Variants in PDE10A observed in about 807,000 individuals in gnomAD.
PDE10A encodes the protein phosphodiesterase 10A.
Under a neutral mutation model 97.7 loss-of-function variants are expected in PDE10A, and 39 were observed. That is an observed-to-expected ratio of 0.40 (90% CI 0.31 to 0.52). The LOEUF (loss-of-function observed/expected upper bound fraction) is 0.52. PDE10A is among the 20% of genes least tolerant of loss of function. The pLI, the probability that PDE10A is intolerant of heterozygous loss-of-function variation, is 0.56. For synonymous variants in PDE10A, 371 were observed against 376.8 expected, an observed-to-expected ratio of 0.98 and a Z score of 0.18; for missense variants, 731 against 1,047.8, an observed-to-expected ratio of 0.70 and a Z score of 4.17.
chr6:165,336,391 T>C (rs1781648937), intron 20 of PDE10A, among the ~76,000 whole-genome samples, 180 bp from the exon 21 acceptor site: 2 of 152,206 alleles, frequency 1.3e-5, no homozygotes, highest in African/African-American at 4.8e-5. Context: ...TATTTTAAAA[T>C]GCATTAAAAT....
chr6:165,496,452 CCCTT>C (rs1227960931), intron 2 of PDE10A, among the ~76,000 whole-genome samples: 18 of 152,148 alleles, frequency 1.2e-4, no homozygotes, highest in African/African-American at 4.1e-4. Flanking sequence ...AAACTTGCCT[CCCTT>C]ATGTTTTTAA....
At chr6:165,562,948 G>A (rs566919408) in intron 1 of PDE10A, among the ~76,000 whole-genome samples, 9 of 152,026 alleles carry the variant, frequency 5.9e-5, no homozygotes, top group Non-Finnish European at 1.3e-4. Flanking sequence ...ATCCTATGGT[G>A]CACAGAAAGC....
chr6:165,598,272 TTATTAACAGATCTTAGAGAGA>T (rs1281405904), intron 1 of PDE10A, among the ~76,000 whole-genome samples: 1 of 148,056 alleles, frequency 6.8e-6, no homozygotes, highest in African/African-American at 2.6e-5. Context: ...TCTTTTCTTC[TTATTAACAGATCTTAGAGAGA>T]GAGAGCACCA....
At chr6:165,503,160 C>T (rs554406410) in intron 2 of PDE10A, among the ~76,000 whole-genome samples, 24 of 152,238 alleles carry the variant, frequency 1.6e-4, no homozygotes, top group African/African-American at 4.6e-4. Context: ...CCTGGATCCA[C>T]GCTTCAACAC....
intron 1 of PDE10A, among the ~76,000 whole-genome samples, chr6:165,875,240 T>C (rs553738749): frequency 3.3e-5 from 5 of 152,166 alleles, no homozygotes; most frequent in Admixed American, 3.3e-4. Flanking sequence ...CAGGAGAGGT[T>C]GCTACACTGT....
At chr6:165,957,448 T>C (rs1371250958) in intron 1 of PDE10A, among the ~76,000 whole-genome samples, 1 of 151,934 alleles carries the variant, frequency 6.6e-6, no homozygotes, top group Non-Finnish European at 1.5e-5. Context: ...GCAGCTGCAC[T>C]CCAGCCTGGG....
intron 1 of PDE10A, among the ~76,000 whole-genome samples, chr6:165,735,241 GGGTA>G (rs1792543049): frequency 6.7e-6 from 1 of 150,098 alleles, no homozygotes; most frequent in African/African-American, 2.5e-5. Flanking sequence ...ACAGGTGGGT[GGGTA>G]GGTAGGTAGG....
chr6:165,563,414 A>T lies in PDE10A; in HGVS notation c.866-19846T>A, dbSNP rs1308410917. On this transcript the variant is annotated intron_variant, in intron 1 of 21. Transcript: ENST00000539869. Reference sequence around the variant, plus strand: ...AAGAAAGTATTGATGTTTAGCACTGACAAAGAAAACTAAGTATAGACATCA... The same window carrying T: ...AAGAAAGTATTGATGTTTAGCACTGTCAAAGAAAACTAAGTATAGACATCA... 2.0e-5 allele frequency among the ~76,000 whole-genome samples: 3 copies of T among 152,188 alleles called. No homozygotes were observed. The East Asian group carries it at 5.8e-4, about 29-fold the overall frequency.
At chr6:165,366,288 C>A (rs898729745) in intron 18 of PDE10A, among the ~76,000 whole-genome samples, 4 of 152,030 alleles carry the variant, frequency 2.6e-5, no homozygotes, top group African/African-American at 9.7e-5. Context: ...GATCAGAAAG[C>A]AAAATACATA....
At chr6:165,470,358 C>G (rs221734) in intron 3 of PDE10A, among the ~76,000 whole-genome samples, 68,480 of 152,088 alleles carry the variant, frequency 0.45, 15,502 homozygotes, top group Middle Eastern at 0.53. Flanking sequence ...TTTTTGAACA[C>G]TGAACCACAT....
Position 165,328,990 on chromosome 6 carries a change from G to C in PDE10A, c.*4035C>G, listed in dbSNP as rs548063715. The C allele has an allele frequency of 6.6e-6, 1 of 152,278 alleles. No individual in the cohort carries two copies. The highest frequency in any genetic ancestry group is 2.1e-4 in the South Asian group (1 of 4,828). The allele number at this position is 152,278 out of a possible 1,614,324, so 9.4% of individuals were successfully genotyped here. A position where few individuals can be genotyped will look rare whatever the true frequency, so the allele number is the denominator to read the frequency against. ...GGAAACTATAACGGATGACATACTT[G>C]GCTGATTTACATTTTACATAATTTA... is the stretch of plus-strand genomic sequence containing the variant. On this transcript the variant is annotated 3_prime_UTR_variant, in exon 22 of 22. Transcript: ENST00000539869.
rs1781213737 is a variant in PDE10A at position 165,329,308 on chromosome 6, A to G, written c.*3717T>C. On this transcript the variant is annotated 3_prime_UTR_variant, in exon 22 of 22. Transcript: ENST00000539869. ...ATGTCAATGAAGTCAAATAAAGAAC[A>G]GAAATCTGATGAGGAGAGAATGGTC... is the stretch of plus-strand genomic sequence containing the variant. 1 of 152,234 alleles carries G rather than the reference A, an allele frequency of 6.6e-6. No individual in the cohort carries two copies. Among genetic ancestry groups the G allele is most frequent in the Non-Finnish European group, 1.5e-5 (1 of 68,042 alleles). 9.4% of individuals were successfully genotyped at this position (152,234 alleles called of 1,614,324 possible).
At chr6:165,611,487 C>T (rs1041631176) in intron 1 of PDE10A, among the ~76,000 whole-genome samples, 4 of 152,200 alleles carry the variant, frequency 2.6e-5, no homozygotes, top group Non-Finnish European at 5.9e-5. Flanking sequence ...AGGGCCACAC[C>T]GTGTGCCTTC....
chr6:165,833,895 G>A (rs749009872), intron 1 of PDE10A, among the ~76,000 whole-genome samples: 4 of 152,182 alleles, frequency 2.6e-5, no homozygotes, highest in African/African-American at 9.7e-5. Context: ...AGGTCTAGCC[G>A]AGACCTGATT....
chr6:165,824,909 C>T (rs1294319943), intron 1 of PDE10A, among the ~76,000 whole-genome samples: 3 of 149,392 alleles, frequency 2.0e-5, no homozygotes, highest in African/African-American at 7.4e-5. Context: ...GCAGGTGGAT[C>T]CACCTAAGTT....
chr6:165,462,691 A>T (rs938182330), intron 3 of PDE10A, among the ~76,000 whole-genome samples: 1 of 152,220 alleles, frequency 6.6e-6, no homozygotes, highest in African/African-American at 2.4e-5. Flanking sequence ...GCTGTCACAG[A>T]TGGCAGAAGA....
At chr6:165,970,093 C>T (rs184126516) in intron 1 of PDE10A, among the ~76,000 whole-genome samples, 1 of 152,284 alleles carries the variant, frequency 6.6e-6, no homozygotes, top group Non-Finnish European at 1.5e-5. Flanking sequence ...GGCATCACTT[C>T]GATCTAACCA....
intron 1 of PDE10A, among the ~76,000 whole-genome samples, chr6:165,796,944 A>G (rs1778847057): frequency 6.6e-6 from 1 of 152,130 alleles, no homozygotes; most frequent in East Asian, 1.9e-4. Context: ...TTATTCTTCT[A>G]TCTCCTGTAT....
intron 1 of PDE10A, among the ~76,000 whole-genome samples, chr6:165,806,059 AAAAAAAAAAAAG>A (rs1779130101): frequency 6.7e-6 from 1 of 150,228 alleles, no homozygotes; most frequent in African/African-American, 2.5e-5. Flanking sequence ...AAAAAAAAAA[AAAAAAAAAAAAG>A]ATCAAACAGC....
Sources: gnomAD v4.1 joint callset for allele counts (sites outside exome capture counted in the v4.1 genomes callset) on GRCh38, gnomAD v4.1.1 for gene constraint, MANE v1.5 for transcripts, NCBI Gene and HGNC (gene_info 2026-07-23, HGNC 2026-07-21) for gene names.